RBFOX1: variants seen among roughly 807,000 people sequenced by gnomAD.
RBFOX1 encodes the protein RNA binding protein fox-1 homolog 1.
In RBFOX1, 8 loss-of-function variants were observed where a neutral mutation model predicts 57.7. The ratio of observed to expected loss-of-function variants is 0.14; its 90% CI spans 0.08 to 0.25. The LOEUF is 0.25. Ranked by LOEUF, RBFOX1 falls within the 10% of genes least tolerant of loss-of-function variation. The pLI, the probability that RBFOX1 is intolerant of heterozygous loss-of-function variation, is 1.00. For missense variants in RBFOX1, 611 were observed against 548.5 expected (o/e 1.11, Z -1.14); for synonymous variants, 326 against 222.4 (o/e 1.47, Z -4.15).
At chr16:7,495,324 G>T (rs1264879860) in intron 4 of RBFOX1, among the ~76,000 whole-genome samples, 1 of 152,116 alleles carries the variant, frequency 6.6e-6, no homozygotes. Context: ...TTTCCTTTGG[G>T]TATTTCCCCA....
chr16:5,472,216 C>T (rs1052426962), intron 2 of RBFOX1, among the ~76,000 whole-genome samples: 7 of 152,116 alleles, frequency 4.6e-5, no homozygotes, highest in Admixed American at 6.5e-5. Flanking sequence ...TATTCTGTTT[C>T]GGTTCCTCCT....
At chr16:6,773,013 T>TAA (rs2154214570) in intron 3 of RBFOX1, among the ~76,000 whole-genome samples, 1 of 142,172 alleles carries the variant, frequency 7.0e-6, no homozygotes, top group East Asian at 2.2e-4. Flanking sequence ...TGTGTGTGTG[T>TAA]GTGTGATTGT....
At chr16:5,460,976 C>A (rs1160083586) in intron 1 of RBFOX1, among the ~76,000 whole-genome samples, 2 of 152,158 alleles carry the variant, frequency 1.3e-5, no homozygotes, top group Non-Finnish European at 2.9e-5. Flanking sequence ...GGTTGAAATT[C>A]TGCTCATGAA....
intron 3 of RBFOX1, among the ~76,000 whole-genome samples, chr16:6,959,764 C>G (rs2082582254): frequency 6.6e-6 from 1 of 152,054 alleles, no homozygotes; most frequent in African/African-American, 2.4e-5. Context: ...TGGTGAAACC[C>G]CGTTTCTACC....
intron 4 of RBFOX1, among the ~76,000 whole-genome samples, chr16:7,425,118 CTGT>C (rs2098597696): frequency 6.6e-6 from 1 of 152,036 alleles, no homozygotes; most frequent in Admixed American, 6.5e-5. Flanking sequence ...AAGGCTTATA[CTGT>C]TGGGAAATAA....
chr16:6,993,271 G>C (rs765644963), intron 3 of RBFOX1, among the ~76,000 whole-genome samples: 5 of 152,174 alleles, frequency 3.3e-5, no homozygotes, highest in African/African-American at 9.7e-5. Flanking sequence ...TGGGAGTCAT[G>C]TTTGTTGTTC....
At chr16:6,871,687 C>G (rs991341613) in intron 3 of RBFOX1, among the ~76,000 whole-genome samples, 8 of 152,122 alleles carry the variant, frequency 5.3e-5, no homozygotes, top group African/African-American at 1.9e-4. Flanking sequence ...CCACTCTTGT[C>G]CCCATTAATC....
chr16:5,254,580 C>T (rs1404028153), intron 1 of RBFOX1, among the ~76,000 whole-genome samples: 2 of 152,192 alleles, frequency 1.3e-5, no homozygotes, highest in Non-Finnish European at 2.9e-5. Flanking sequence ...TCTTGACTGC[C>T]TCTCTCTTAC....
At chr16:6,299,634 T>C (rs1370774136) in intron 1 of RBFOX1, among the ~76,000 whole-genome samples, 1 of 152,128 alleles carries the variant, frequency 6.6e-6, no homozygotes. Flanking sequence ...TAAAATATGG[T>C]CAGAACAAGT....
chr16:7,099,501 A>G (rs531578153), intron 4 of RBFOX1, among the ~76,000 whole-genome samples: 47 of 152,266 alleles, frequency 3.1e-4, no homozygotes, highest in African/African-American at 1.1e-3. Context: ...CTCTTCTCCT[A>G]TTACTTATAA....
intron 1 of RBFOX1, chr16:6,038,533 T>TATATATATATATATATATCATCC: frequency 7.0e-6 from 1 of 143,882 alleles, no homozygotes; most frequent in South Asian, 2.2e-4. Context: ...TCCGTGGAGA[T>TATATATATATATATATATCATCC]ATATATATAT....
intron 3 of RBFOX1, among the ~76,000 whole-genome samples, chr16:6,943,085 G>T (rs888779032): frequency 6.6e-6 from 1 of 152,154 alleles, no homozygotes; most frequent in African/African-American, 2.4e-5. Context: ...GGGATTCAGA[G>T]CAGGTCCCCA....
chr16:7,531,373 G>C (rs1009187613), intron 5 of RBFOX1, among the ~76,000 whole-genome samples: 2 of 152,092 alleles, frequency 1.3e-5, no homozygotes, highest in Non-Finnish European at 2.9e-5. Context: ...AGTGGAAATG[G>C]TACTACCAGC....
chr16:7,224,472 CA>C (rs145902684), intron 4 of RBFOX1, among the ~76,000 whole-genome samples: 2,256 of 152,222 alleles, frequency 0.015, 33 homozygotes, highest in Non-Finnish European at 0.025. Context: ...GTCTTGGCTG[CA>C]AATGATCGAG....
At chr16:6,411,164 G>A (rs531591541) in intron 2 of RBFOX1, among the ~76,000 whole-genome samples, 22 of 152,062 alleles carry the variant, frequency 1.4e-4, no homozygotes, top group Non-Finnish European at 3.2e-4. Context: ...AATTTTTTTT[G>A]TAGAGGTGGA....
At chr16:5,679,757 T>C (rs889412091) in intron 3 of RBFOX1, among the ~76,000 whole-genome samples, 1 of 152,184 alleles carries the variant, frequency 6.6e-6, no homozygotes, top group African/African-American at 2.4e-5. Flanking sequence ...AGATTTGAAA[T>C]TGGACTCTAC....
Position 5,281,389 on chromosome 16 carries a change from A to T in RBFOX1, c.219+41284A>T, listed in dbSNP as rs188433556. Among the ~76,000 whole-genome samples the T allele has an allele frequency of 8.1e-4, 123 of 152,288 alleles. 2 individuals are homozygous for T. The East Asian group carries it at 0.022, about 27-fold the overall frequency. On this transcript the variant is annotated intron_variant, in intron 1 of 2. Transcript: ENST00000585867. ...ATGTTCCATGTGTTGATGAGATGAT[A>T]GTGTATTCTGCTGCTGCTGGATGAA...
chr16:7,148,282 T>G (rs546515058), intron 4 of RBFOX1, among the ~76,000 whole-genome samples: 1 of 152,298 alleles, frequency 6.6e-6, no homozygotes, highest in South Asian at 2.1e-4. Context: ...CTCTTGGTAT[T>G]ATTTACAAAG....
chr16:6,595,724 T>C (rs2097770828), intron 2 of RBFOX1, among the ~76,000 whole-genome samples: 2 of 152,142 alleles, frequency 1.3e-5, no homozygotes, highest in African/African-American at 4.8e-5. Context: ...ATACTTGTTA[T>C]TATTTCTCTT....
Sources: allele counts gnomAD v4.1 joint callset (sites outside exome capture counted in the v4.1 genomes callset), GRCh38; gene constraint gnomAD v4.1.1; transcripts MANE v1.5; gene names NCBI Gene and HGNC (gene_info 2026-07-23, HGNC 2026-07-21).